Variants in MAST4 observed in about 807,000 individuals in gnomAD.
MAST4 encodes microtubule associated serine/threonine kinase family member 4.
Under a neutral mutation model 162.7 loss-of-function variants are expected in MAST4, and 89 were observed. The observed-to-expected ratio is 0.55, with a 90% CI of 0.46 to 0.65. The LOEUF (loss-of-function observed/expected upper bound fraction) is 0.65, where lower values mean the gene tolerates loss of function less well. Among genes scored for constraint, MAST4 ranks in the 30% least tolerant of loss-of-function variants. The pLI is 0.00. For synonymous variants in MAST4, 1,479 were observed against 1,361.1 expected, an observed-to-expected ratio of 1.09 and a Z score of -1.91; for missense variants, 3,153 against 3,374.0, an observed-to-expected ratio of 0.93 and a Z score of 1.62.
At position 66,687,675 on chromosome 5, in the gene MAST4, TCTATAC is replaced by T. The variant is rs1257481237; in HGVS notation, c.364-72033_364-72028del. ...ATCTATCTATCTATCTATCTATCTA[TCTATAC>T]GCACCACATTTTCATTATCCAGTCA... On this transcript the variant is annotated intron_variant, in intron 1 of 28. Transcript: ENST00000403625. Among the ~76,000 whole-genome samples the T allele has an allele frequency of 1.2e-3, 170 of 141,842 alleles. 3 individuals carry two copies. In the East Asian group the frequency reaches 0.028, roughly 23 times the overall value. The allele number at this position is 141,842 out of a possible 152,430, so 93.1% of individuals were successfully genotyped here.
At chr5:66,679,878 T>A (rs1748216385) in intron 1 of MAST4, among the ~76,000 whole-genome samples, 1 of 152,210 alleles carries the variant, frequency 6.6e-6, no homozygotes, top group Admixed American at 6.5e-5. Context: ...TCATCGTCCT[T>A]CAAAGCCCAT....
At chr5:67,127,988 A>T (rs890873453) in intron 14 of MAST4, among the ~76,000 whole-genome samples, 3 of 152,198 alleles carry the variant, frequency 2.0e-5, no homozygotes, top group African/African-American at 7.2e-5. Context: ...TTCCAATTTT[A>T]GCGTCTTTAA....
At chr5:66,916,372 A>G (rs556909352) in intron 4 of MAST4, among the ~76,000 whole-genome samples, 63 of 152,344 alleles carry the variant, frequency 4.1e-4, no homozygotes, top group African/African-American at 1.5e-3. Context: ...AATGAACACA[A>G]TGATGAGACT....
intron 4 of MAST4, among the ~76,000 whole-genome samples, chr5:66,925,700 C>T (rs183114302): frequency 1.5e-3 from 224 of 152,158 alleles, no homozygotes; most frequent in Non-Finnish European, 1.2e-3. Flanking sequence ...AAGTTTGGTT[C>T]CCTGCACTGT....
intron 4 of MAST4, among the ~76,000 whole-genome samples, chr5:66,905,246 G>T (rs1292628565): frequency 2.0e-5 from 3 of 146,576 alleles, no homozygotes; most frequent in African/African-American, 7.6e-5. Context: ...GGTGGAGGTT[G>T]CAGTGAGCCG....
rs187471111 is a variant in MAST4 at position 67,134,922 on chromosome 5, A to T, written c.2392+234A>T. Among the ~76,000 whole-genome samples, 371 of 152,314 alleles carry T rather than the reference A, an allele frequency of 2.4e-3. 2 individuals are homozygous for T. The highest frequency in any genetic ancestry group is 2.5e-3 in the South Asian group (12 of 4,826). ...TTAACATAGAATTTGGAAATGTACT[A>T]GCAACAAAACCATTTTTTATAGTGT... is the stretch of plus-strand genomic sequence containing the variant. On this transcript the variant is annotated intron_variant, in intron 18 of 28. Coordinates refer to ENST00000403625, the MANE Select transcript of MAST4 (RefSeq NM_001164664.2).
At chr5:66,732,338 TTTC>T (rs1237781191) in intron 1 of MAST4, among the ~76,000 whole-genome samples, 2 of 152,128 alleles carry the variant, frequency 1.3e-5, no homozygotes, top group African/African-American at 4.8e-5. Context: ...CCATTCATCA[TTTC>T]TTCTACATAC....
At chr5:66,746,417 T>A (rs1752762814) in intron 1 of MAST4, among the ~76,000 whole-genome samples, 1 of 152,206 alleles carries the variant, frequency 6.6e-6, no homozygotes, top group Admixed American at 6.5e-5. Flanking sequence ...CATCTTGGGC[T>A]TGATTTCTCA....
Position 67,005,517 on chromosome 5 carries a change from C to T in MAST4, c.675-48887C>T, listed in dbSNP as rs551130249. ...TTGACCTTTATAAGATGCAGATGTA[C>T]GATGCAAGGATAGCCCAGGTTAGCT... On this transcript the variant is annotated intron_variant, in intron 4 of 28. Transcript: ENST00000403625. 4.9e-4 allele frequency among the ~76,000 whole-genome samples: 75 copies of T among 152,252 alleles called. No homozygotes were observed. In the South Asian group the frequency reaches 0.014, roughly 29 times the overall value.
chr5:66,816,985 C>A (rs1561351398), intron 3 of MAST4, among the ~76,000 whole-genome samples: 5 of 152,214 alleles, frequency 3.3e-5, no homozygotes. Context: ...CCTCGTCTCT[C>A]AAACCTACCC....
rs200379211 is a variant in MAST4, at chr5:67,145,258, C to T, written c.2973C>T (p.Ala991=). 40 of 1,613,918 alleles carry T rather than the reference C, an allele frequency of 2.5e-5. No homozygotes were observed. In the East Asian group the frequency reaches 8.7e-4, roughly 35 times the overall value. ...ISTEGEQDEA[A]SCPGDPHEEP... is the part of the protein sequence containing the mutation. ...CAGAGGGAGAGCAAGATGAAGCTGC[C>T]TCCTGCCCTGGAGACCCCCATGAGG... Residue 991 remains alanine (A), a synonymous_variant, in exon 23 of 29, where the codon GCC becomes GCT. Transcript: ENST00000403625.
intron 1 of MAST4, among the ~76,000 whole-genome samples, chr5:66,598,504 C>T (rs891530764): frequency 1.3e-5 from 2 of 152,176 alleles, no homozygotes; most frequent in African/African-American, 4.8e-5. Context: ...AGTTCCTCAC[C>T]CACCGCAGAG....
intron 1 of MAST4, among the ~76,000 whole-genome samples, chr5:66,724,666 C>A (rs1751408802): frequency 6.6e-6 from 1 of 152,086 alleles, no homozygotes; most frequent in Non-Finnish European, 1.5e-5. Flanking sequence ...TGCTACTGGG[C>A]TACAAACCTG....
intron 3 of MAST4, among the ~76,000 whole-genome samples, chr5:66,863,458 C>T (rs527939156): frequency 2.6e-5 from 4 of 152,310 alleles, no homozygotes; most frequent in African/African-American, 7.2e-5. Context: ...CTTCCGGCTT[C>T]GGTCTGACCT....
intron 1 of MAST4, among the ~76,000 whole-genome samples, chr5:66,748,459 C>CT (rs1752923069): frequency 7.8e-5 from 11 of 140,654 alleles, no homozygotes; most frequent in African/African-American, 2.1e-4. Flanking sequence ...CTCACTCCCT[C>CT]CTTCCTTCCT....
At chr5:66,724,628 C>T (rs188950700) in intron 1 of MAST4, among the ~76,000 whole-genome samples, 5 of 152,204 alleles carry the variant, frequency 3.3e-5, no homozygotes, top group South Asian at 4.1e-4. Flanking sequence ...TAGCTTACTA[C>T]ATACCTAGGC....
At chr5:66,956,621 C>G (rs1745349086) in intron 4 of MAST4, among the ~76,000 whole-genome samples, 1 of 152,158 alleles carries the variant, frequency 6.6e-6, no homozygotes, top group African/African-American at 2.4e-5. Context: ...CTCTAGCATC[C>G]CCTCAAGGTG....
At chr5:66,913,124 A>G (rs1763884375) in intron 4 of MAST4, among the ~76,000 whole-genome samples, 1 of 152,200 alleles carries the variant, frequency 6.6e-6, no homozygotes, top group African/African-American at 2.4e-5. Context: ...AGTATTATTG[A>G]GACATAATTG....
At chr5:67,096,345 A>T (rs754360307) in intron 7 of MAST4, among the ~76,000 whole-genome samples, 5 of 152,152 alleles carry the variant, frequency 3.3e-5, no homozygotes, top group Non-Finnish European at 5.9e-5. Flanking sequence ...TATGTTAGTG[A>T]TCATGTGGGA....
Sources: gnomAD v4.1 joint callset for allele counts (sites outside exome capture counted in the v4.1 genomes callset) on GRCh38, gnomAD v4.1.1 for gene constraint, MANE v1.5 for transcripts, NCBI Gene and HGNC (gene_info 2026-07-23, HGNC 2026-07-21) for gene names.